ATP10B: variants seen among roughly 807,000 people sequenced by gnomAD.
ATP10B encodes phospholipid-transporting ATPase VB.
In ATP10B, 122 loss-of-function variants were observed where a neutral mutation model predicts 141.2. The ratio of observed to expected loss-of-function variants is 0.86; its 90% CI spans 0.75 to 1.00. The LOEUF (loss-of-function observed/expected upper bound fraction) is 1.00, where lower values mean the gene tolerates loss of function less well. Among genes scored for constraint, ATP10B ranks in the 50% least tolerant of loss-of-function variants. ATP10B has a pLI of 0.00. For synonymous variants in ATP10B, 685 were observed against 692.0 expected, an observed-to-expected ratio of 0.99 and a Z score of 0.16; for missense variants, 1,876 against 1,825.3, an observed-to-expected ratio of 1.03 and a Z score of -0.51.
chr5:160,823,761 T>G (rs1008825041), intron 1 of ATP10B, among the ~76,000 whole-genome samples: 3 of 151,824 alleles, frequency 2.0e-5, no homozygotes, highest in African/African-American at 4.8e-5. Flanking sequence ...ATGAACCCAG[T>G]AGGCGGAGCT....
intron 1 of ATP10B, among the ~76,000 whole-genome samples, chr5:160,786,023 T>G (rs1771123540): frequency 6.6e-6 from 1 of 152,172 alleles, no homozygotes; most frequent in Admixed American, 6.5e-5. Flanking sequence ...CCATACAGAA[T>G]GCAAATTATG....
At chr5:160,917,242 G>A in the ATP10B span, among the ~76,000 whole-genome samples, 3 of 150,744 alleles carry the variant, frequency 2.0e-5, no homozygotes, top group African/African-American at 7.3e-5. Flanking sequence ...GGGTTGTGGG[G>A]CCAGGGCTCC....
In ATP10B at chr5:160,693,781, C is replaced by T. The variant is rs1044275268; in HGVS notation, c.-204-4838G>A. Among the ~76,000 whole-genome samples, 13 of 152,356 alleles carry T rather than the reference C, an allele frequency of 8.5e-5. 1 individual carries two copies. The highest frequency in any genetic ancestry group is 6.5e-4 in the Admixed American group (10 of 15,310). ...GCGTGACCTAGATCCCTCGCATGCA[C>T]AATTCACAATAGCATTGCATTCCTA... On this transcript the variant is annotated intron_variant, in intron 3 of 25. Transcript: ENST00000327245.
intron 7 of ATP10B, 123 bp downstream of exon 7, chr5:160,670,340 C>T: frequency 1.2e-6 from 1 of 850,174 alleles, no homozygotes. Flanking sequence ...ATCTAAAGTG[C>T]TAGGGAAAAG....
At position 160,634,454 on chromosome 5, in the gene ATP10B, G is replaced by A. The variant is rs764930244; in HGVS notation, c.1281C>T (p.Ile427=). The A allele has an allele frequency of 1.2e-6, 2 of 1,614,162 alleles. No individual in the cohort carries two copies. The highest frequency in any genetic ancestry group is 8.5e-7 in the Non-Finnish European group (1 of 1,180,028). The change falls in exon 12 of 26, where the codon ATC becomes ATT. Residue 427 remains isoleucine, a synonymous_variant. Coordinates refer to ENST00000327245, the MANE Select transcript of ATP10B (RefSeq NM_025153.3). ...CCGTCTTATCGGAGAAGATGTACTG[G>A]ATCTGGCCCAAGTCCTCTGCGATGT... ...ALNIAEDLGQ[I]QYIFSDKTGT... is the part of the protein sequence containing the mutation.
chr5:160,925,598 G>C, the ATP10B span, among the ~76,000 whole-genome samples: 1 of 152,196 alleles, frequency 6.6e-6, no homozygotes. Context: ...AATACATTTT[G>C]ACTATCATGC....
the ATP10B span, among the ~76,000 whole-genome samples, chr5:160,888,518 C>T: frequency 6.6e-6 from 1 of 152,186 alleles, no homozygotes. Flanking sequence ...GCTGGTGAAA[C>T]AGTAATTCAT....
chr5:160,883,788 T>TA, the ATP10B span, among the ~76,000 whole-genome samples: 5 of 152,158 alleles, frequency 3.3e-5, no homozygotes, highest in Non-Finnish European at 7.4e-5. Context: ...TAAAGAGTGT[T>TA]AACAAAAGTA....
chr5:160,905,944 G>C, the ATP10B span, among the ~76,000 whole-genome samples: 1,559 of 152,154 alleles, frequency 0.01, 12 homozygotes, highest in Non-Finnish European at 0.018. Context: ...AGGAAGAAAT[G>C]GGACAATTTT....
At chr5:160,907,145 T>C in the ATP10B span, among the ~76,000 whole-genome samples, 1 of 152,188 alleles carries the variant, frequency 6.6e-6, no homozygotes, top group African/African-American at 2.4e-5. Context: ...ATTCCTGCCA[T>C]GGAGCCTTAG....
the ATP10B span, among the ~76,000 whole-genome samples, chr5:160,876,488 G>A: frequency 6.8e-6 from 1 of 147,422 alleles, no homozygotes; most frequent in African/African-American, 2.5e-5. Context: ...AGAAAAGCAA[G>A]AGCAAACACA....
At chr5:160,624,252 C>T (rs931544098) in intron 13 of ATP10B, among the ~76,000 whole-genome samples, 3 of 152,194 alleles carry the variant, frequency 2.0e-5, no homozygotes, top group African/African-American at 4.8e-5. Context: ...TTTCTGACTA[C>T]CAAATGCAAT....
chr5:160,918,066 TCTACTCTCC>T, the ATP10B span, among the ~76,000 whole-genome samples: 1 of 152,166 alleles, frequency 6.6e-6, no homozygotes, highest in African/African-American at 2.4e-5. Flanking sequence ...TCTCATTCTG[TCTACTCTCC>T]CTACTCTCCC....
rs765105949 is a variant in ATP10B, at chr5:160,644,234, C to G, written c.772G>C (p.Asp258His). ...CAGCCAAAGCCAGTCCTGGTCTGGT[C>G]AGGATGCTCCCTGGGGATGATGAAT... Reference protein sequence around the residue: ...NKFKGYMEHPDQTRTGFGCES... With the variant: ...NKFKGYMEHPHQTRTGFGCES... The change falls in exon 9 of 26, where the codon GAC (aspartate) becomes CAC (histidine). Residue 258 changes from aspartate (D) to histidine (H), a missense_variant. By Grantham distance (81) the Asp-to-His change is moderately conservative. Transcript: ENST00000327245. The G allele has an allele frequency of 3.7e-6, 6 of 1,613,772 alleles. No homozygotes were observed. Among genetic ancestry groups the G allele is most frequent in the Admixed American group, 1.7e-5 (1 of 60,004 alleles).
intron 1 of ATP10B, among the ~76,000 whole-genome samples, chr5:160,790,353 G>A (rs868646752): frequency 6.6e-6 from 1 of 152,048 alleles, no homozygotes; most frequent in African/African-American, 2.4e-5. Context: ...GCTATTTTAG[G>A]TCTGGCTCTG....
intron 1 of ATP10B, among the ~76,000 whole-genome samples, chr5:160,803,001 A>C (rs6556525): frequency 0.49 from 74,289 of 151,894 alleles, 18,273 homozygotes; most frequent in East Asian, 0.61. Context: ...TTCCAGCTGA[A>C]CTCACTCTCC....
At chr5:160,693,457 G>C (rs1168442009) in intron 3 of ATP10B, among the ~76,000 whole-genome samples, 1 of 95,844 alleles carries the variant, frequency 1.0e-5, no homozygotes, top group East Asian at 4.9e-4. Flanking sequence ...CACACACACA[G>C]TGGTATAGTC....
chr5:160,867,570 C>A, the ATP10B span, among the ~76,000 whole-genome samples: 2 of 152,062 alleles, frequency 1.3e-5, no homozygotes, highest in African/African-American at 4.8e-5. Context: ...TAATGATCTG[C>A]ACATACTTTA....
intron 7 of ATP10B, among the ~76,000 whole-genome samples, chr5:160,658,868 C>T (rs978530047): frequency 6.6e-6 from 1 of 152,190 alleles, no homozygotes; most frequent in African/African-American, 2.4e-5. Context: ...CAACCCACCC[C>T]ATATTTTTCT....
Sources: gnomAD v4.1 joint callset for allele counts (sites outside exome capture counted in the v4.1 genomes callset) on GRCh38, gnomAD v4.1.1 for gene constraint, MANE v1.5 for transcripts, NCBI Gene and HGNC (gene_info 2026-07-23, HGNC 2026-07-21) for gene names.